The following NRG3 variants were observed in gnomAD, a reference collection of about 807,000 sequenced individuals.
NRG3 encodes pro-neuregulin-3, membrane-bound isoform.
NRG3 carries 31 observed loss-of-function variants against 66.9 expected under a neutral mutation model. That is an observed-to-expected ratio of 0.46 (90% confidence interval 0.35 to 0.63). The LOEUF (loss-of-function observed/expected upper bound fraction) is 0.63, where lower values mean the gene tolerates loss of function less well. NRG3 is among the 20% of genes least tolerant of loss of function. The pLI is 0.00. For missense variants in NRG3, 910 were observed against 878.9 expected, an observed-to-expected ratio of 1.04 and a Z score of -0.45; for synonymous variants, 393 against 359.4, an observed-to-expected ratio of 1.09 and a Z score of -1.06.
chr10:82,153,979 GTATGGTTTGCC>G (rs2070989832), intron 1 of NRG3, among the ~76,000 whole-genome samples: 11 of 151,878 alleles, frequency 7.2e-5, no homozygotes, highest in Admixed American at 7.2e-4. Flanking sequence ...CTTATCAGAT[GTATGGTTTGCC>G]TATATTTTCT....
At chr10:82,023,930 GCTT>G (rs1156666126) in intron 1 of NRG3, among the ~76,000 whole-genome samples, 5 of 151,836 alleles carry the variant, frequency 3.3e-5, no homozygotes, top group Non-Finnish European at 5.9e-5. Flanking sequence ...AATTGTTATT[GCTT>G]CTTCTTTAAA....
chr10:82,155,662 A>G (rs540222208), intron 1 of NRG3, among the ~76,000 whole-genome samples: 22 of 151,844 alleles, frequency 1.4e-4, no homozygotes, highest in Non-Finnish European at 2.7e-4. Flanking sequence ...AAGAGACTTC[A>G]GTAGAGCAGC....
At chr10:82,114,387 G>C (rs1425426796) in intron 1 of NRG3, among the ~76,000 whole-genome samples, 1 of 152,132 alleles carries the variant, frequency 6.6e-6, no homozygotes, top group African/African-American at 2.4e-5. Context: ...GTCTCTTGGA[G>C]AGAAGGAATA....
At chr10:82,845,545 G>C (rs974217893) in intron 3 of NRG3, among the ~76,000 whole-genome samples, 8 of 151,814 alleles carry the variant, frequency 5.3e-5, no homozygotes, top group Non-Finnish European at 7.4e-5. Flanking sequence ...AAAAAAAAAA[G>C]GGTGTAGATG....
intron 4 of NRG3, among the ~76,000 whole-genome samples, chr10:82,908,990 C>CTCAGCAACTGGAGCTGTGGCAGT (rs1591916693): frequency 6.6e-6 from 1 of 152,036 alleles, no homozygotes; most frequent in African/African-American, 2.4e-5. Context: ...ACACCACGCC[C>CTCAGCAACTGGAGCTGTGGCAGT]CAGATGACTG....
intron 2 of NRG3, among the ~76,000 whole-genome samples, chr10:82,603,630 T>A (rs887484324): frequency 6.6e-6 from 1 of 152,014 alleles, no homozygotes; most frequent in African/African-American, 2.4e-5. Flanking sequence ...AGCGTAAGCT[T>A]AAGAGAAAGA....
At chr10:81,911,734 C>G (rs1845188325) in intron 1 of NRG3, among the ~76,000 whole-genome samples, 1 of 149,656 alleles carries the variant, frequency 6.7e-6, no homozygotes, top group South Asian at 2.1e-4. Flanking sequence ...TTACCACACA[C>G]ACACACACAC....
At chr10:82,868,452 C>A (rs573450) in intron 4 of NRG3, among the ~76,000 whole-genome samples, 51,641 of 151,826 alleles carry the variant, frequency 0.34, 9,528 homozygotes, top group East Asian at 0.63. Context: ...CTATTTGACT[C>A]CAACGGTAGA....
At chr10:82,015,514 G>A (rs914308213) in intron 1 of NRG3, among the ~76,000 whole-genome samples, 1 of 152,060 alleles carries the variant, frequency 6.6e-6, no homozygotes, top group Non-Finnish European at 1.5e-5. Flanking sequence ...AAGTGGAGGT[G>A]GTTGAATCAT....
chr10:82,461,653 G>A (rs2091520831), intron 2 of NRG3, among the ~76,000 whole-genome samples: 1 of 152,094 alleles, frequency 6.6e-6, no homozygotes. Flanking sequence ...CCATTAAACT[G>A]TTAGTTACGT....
At chr10:82,761,969 TTTCTTTTCTTTCTTTC>T (rs2059341066) in intron 3 of NRG3, among the ~76,000 whole-genome samples, 1 of 147,770 alleles carries the variant, frequency 6.8e-6, no homozygotes, top group African/African-American at 2.5e-5. Flanking sequence ...TCTTTCTTTC[TTTCTTTTCTTTCTTTC>T]TTCTTTCTTT....
At chr10:81,962,496 T>G (rs1208694612) in intron 1 of NRG3, among the ~76,000 whole-genome samples, 1 of 152,238 alleles carries the variant, frequency 6.6e-6, no homozygotes, top group East Asian at 1.9e-4. Flanking sequence ...TACTTATGTA[T>G]TTTAGCTGAT....
intron 2 of NRG3, among the ~76,000 whole-genome samples, chr10:82,672,565 G>T (rs937413762): frequency 6.6e-6 from 1 of 152,154 alleles, no homozygotes; most frequent in Non-Finnish European, 1.5e-5. Flanking sequence ...TCATGGTGGT[G>T]GGGAGGAGAT....
At chr10:82,901,750 G>T (rs189995411) in intron 4 of NRG3, among the ~76,000 whole-genome samples, 1 of 152,180 alleles carries the variant, frequency 6.6e-6, no homozygotes, top group African/African-American at 2.4e-5. Flanking sequence ...TGTGAAAGTC[G>T]TTTTATAATT....
In NRG3 at chr10:82,476,952, C is replaced by T. The variant is rs144533416; in HGVS notation, c.953+118084C>T. The stretch of plus-strand genomic sequence containing the variant: ...TAAATGTCATTTGACACGTGAGTTC[C>T]GAGTTCATCCAGTTAATTCATCCAG... On this transcript the variant is annotated intron_variant, in intron 2 of 8. Coordinates refer to ENST00000372141, the MANE Select transcript of NRG3 (RefSeq NM_001010848.4). Among the ~76,000 whole-genome samples, 467 of 152,234 alleles carry T rather than the reference C, an allele frequency of 3.1e-3. 2 individuals carry two copies. Among genetic ancestry groups the T allele is most frequent in the African/African-American group, 0.011 (439 of 41,538 alleles).
chr10:82,775,295 T>C (rs2059871512), intron 3 of NRG3, among the ~76,000 whole-genome samples: 3 of 152,004 alleles, frequency 2.0e-5, no homozygotes, highest in Admixed American at 6.6e-5. Context: ...TAGGTTTTTA[T>C]ATGTTGTGTT....
chr10:82,247,641 A>G (rs1211848735), intron 1 of NRG3, among the ~76,000 whole-genome samples: 1 of 152,160 alleles, frequency 6.6e-6, no homozygotes, highest in Non-Finnish European at 1.5e-5. Flanking sequence ...CCAGAAAAAC[A>G]TTAGAATACA....
intron 2 of NRG3, among the ~76,000 whole-genome samples, chr10:82,397,862 C>T (rs1309626426): frequency 6.6e-6 from 1 of 152,154 alleles, no homozygotes; most frequent in Non-Finnish European, 1.5e-5. Context: ...GAGTAAAAGG[C>T]AAATACCAGC....
At chr10:82,433,174 G>A (rs2089933451) in intron 2 of NRG3, among the ~76,000 whole-genome samples, 1 of 152,090 alleles carries the variant, frequency 6.6e-6, no homozygotes. Context: ...GTGTGAGATG[G>A]TATCTCATTG....
Sources: gnomAD v4.1 joint callset for allele counts (sites outside exome capture counted in the v4.1 genomes callset) on GRCh38, gnomAD v4.1.1 for gene constraint, MANE v1.5 for transcripts, NCBI Gene and HGNC (gene_info 2026-07-23, HGNC 2026-07-21) for gene names.